PACS1: variants seen among roughly 807,000 people sequenced by gnomAD.
The protein encoded by PACS1 is phosphofurin acidic cluster sorting protein 1.
A neutral mutation model predicts 115.0 loss-of-function variants in PACS1; 24 were observed. That is an observed-to-expected ratio of 0.21 (90% CI 0.15 to 0.29). PACS1 has a LOEUF of 0.29. Ranked by LOEUF, PACS1 falls within the 10% of genes least tolerant of loss-of-function variation. The pLI is 1.00. For synonymous variants in PACS1, 453 were observed against 504.5 expected, an observed-to-expected ratio of 0.90 and a Z score of 1.37; for missense variants, 838 against 1,251.2, an observed-to-expected ratio of 0.67 and a Z score of 4.98.
chr11:66,220,678 G>A lies in PACS1; in HGVS notation c.1086G>A (p.Val362=), dbSNP rs1317258176. ...EHVSREQIRE[V]EEDLDELYDS... ...TGTCCCGCGAGCAGATCCGGGAAGT[G>A]GAAGAGGACTTGGATGAATTGTATG... is the stretch of plus-strand genomic sequence containing the variant. Residue 362 remains valine (V), a synonymous_variant, in exon 9 of 24, where the codon GTG becomes GTA. Coordinates refer to ENST00000320580, the MANE Select transcript of PACS1 (RefSeq NM_018026.4). The A allele has an allele frequency of 3.4e-5, 55 of 1,614,060 alleles. No individual in the cohort carries two copies. Among genetic ancestry groups the A allele is most frequent in the Non-Finnish European group, 4.2e-5 (50 of 1,180,026 alleles).
chr11:66,160,261 G>T (rs768336229), intron 1 of PACS1, among the ~76,000 whole-genome samples: 11 of 152,042 alleles, frequency 7.2e-5, no homozygotes, highest in Admixed American at 7.2e-4. Flanking sequence ...TACTAGCTGC[G>T]TGACCTCAGG....
intron 10 of PACS1, among the ~76,000 whole-genome samples, chr11:66,225,578 A>ATGT (rs1855455539): frequency 6.6e-6 from 1 of 152,188 alleles, no homozygotes; most frequent in African/African-American, 2.4e-5. Flanking sequence ...ACATCAAAAC[A>ATGT]TGTTGTATAC....
chr11:66,122,876 A>C (rs963568307), intron 1 of PACS1, among the ~76,000 whole-genome samples: 3 of 152,246 alleles, frequency 2.0e-5, no homozygotes, highest in African/African-American at 7.2e-5. Context: ...TATTACAATA[A>C]TTTATAACAA....
intron 1 of PACS1, among the ~76,000 whole-genome samples, chr11:66,154,425 T>C (rs1859309482): frequency 6.6e-6 from 1 of 152,076 alleles, no homozygotes; most frequent in Non-Finnish European, 1.5e-5. Flanking sequence ...GGCAACAGAG[T>C]GAGACCCTGT....
At chr11:66,071,418 A>G (rs1857309151) in intron 1 of PACS1, among the ~76,000 whole-genome samples, 1 of 151,104 alleles carries the variant, frequency 6.6e-6, no homozygotes, top group African/African-American at 2.4e-5. Context: ...GTGTATTTTT[A>G]CCTCCCCTCC....
chr11:66,210,944 G>A (rs1855056698), intron 3 of PACS1, among the ~76,000 whole-genome samples, 190 bp from the exon 4 acceptor site: 2 of 152,196 alleles, frequency 1.3e-5, no homozygotes, highest in Admixed American at 6.5e-5. Flanking sequence ...CCCCAGAGCT[G>A]TGGCGTAGAA....
Position 66,235,380 on chromosome 11 carries a change from C to T in PACS1, c.2184C>T (p.Ala728=), listed in dbSNP as rs766451903. 3 of 1,613,790 alleles carry T rather than the reference C, an allele frequency of 1.9e-6. No individual in the cohort carries two copies. Among genetic ancestry groups the T allele is most frequent in the Non-Finnish European group, 2.5e-6 (3 of 1,179,716 alleles). ...CACACCAGCTTCCCGTGGCCGAAGC[C>T]ATGCTGACTTGCCGGCATAAGTTGT... ...ATTHQLPVAE[A]MLTCRHKFPD... is the part of the protein sequence containing the mutation. The change falls in exon 18 of 24, where the codon GCC becomes GCT. Residue 728 remains alanine (A), a synonymous_variant. Transcript: ENST00000320580. This position sits in a 1 kb window ranked among gnomAD's most constrained non-coding sequence, Gnocchi z 5.6.
chr11:66,092,471 T>C (rs1280666162), intron 1 of PACS1, among the ~76,000 whole-genome samples: 1 of 152,200 alleles, frequency 6.6e-6, no homozygotes, highest in Non-Finnish European at 1.5e-5. Flanking sequence ...ATTTTGTAGG[T>C]TGCCTGTTCA....
chr11:66,088,228 TG>T (rs1200871008), intron 1 of PACS1, among the ~76,000 whole-genome samples: 1 of 152,110 alleles, frequency 6.6e-6, no homozygotes, highest in African/African-American at 2.4e-5. Flanking sequence ...ACTCTTTCAG[TG>T]GTGTCTTTCA....
intron 1 of PACS1, among the ~76,000 whole-genome samples, chr11:66,154,592 A>T (rs947957103): frequency 1.3e-5 from 2 of 152,240 alleles, no homozygotes; most frequent in Non-Finnish European, 2.9e-5. Context: ...TGGAAAAAAA[A>T]TTTTAAGTAT....
intron 2 of PACS1, among the ~76,000 whole-genome samples, chr11:66,203,884 C>T (rs544845387): frequency 8.6e-4 from 131 of 152,172 alleles, no homozygotes; most frequent in Middle Eastern, 6.8e-3. Flanking sequence ...ACTCTAATAC[C>T]TGAAACTATG....
intron 10 of PACS1, among the ~76,000 whole-genome samples, chr11:66,224,296 G>A (rs1265368945): frequency 6.6e-6 from 1 of 151,736 alleles, no homozygotes; most frequent in East Asian, 1.9e-4. Context: ...ACAGGGTAGA[G>A]CTTCTGAGTT....
chr11:66,184,989 T>C (rs1860091462), intron 1 of PACS1, among the ~76,000 whole-genome samples: 1 of 152,110 alleles, frequency 6.6e-6, no homozygotes, highest in African/African-American at 2.4e-5. Context: ...GAGAAATGGC[T>C]TGAGGTGCAG....
chr11:66,169,496 T>G (rs557975685), intron 1 of PACS1, among the ~76,000 whole-genome samples: 9 of 149,572 alleles, frequency 6.0e-5, no homozygotes, highest in Admixed American at 2.0e-4. Flanking sequence ...GCCTCCCAGG[T>G]TCAAGCGATT....
chr11:66,193,355 G>A lies in PACS1; in HGVS notation c.357-131G>A, dbSNP rs969845383. 5 of 603,266 alleles carry A rather than the reference G, an allele frequency of 8.3e-6. No homozygotes were observed. In the African/African-American group the frequency reaches 9.2e-5, roughly 11 times the overall value. 37.4% of individuals were successfully genotyped at this position (603,266 alleles called of 1,614,324 possible). A position where few individuals can be genotyped will look rare whatever the true frequency, so the allele number is the denominator to read the frequency against. ...AGGGGATGCTCTTCTACTGAGAGAG[G>A]GGACCCCTGGGACTGAGGACAGCGT... On this transcript the variant is annotated intron_variant, in intron 1 of 23. Coordinates refer to ENST00000320580, the MANE Select transcript of PACS1 (RefSeq NM_018026.4).
At chr11:66,086,212 A>G (rs1440265480) in intron 1 of PACS1, among the ~76,000 whole-genome samples, 1 of 141,974 alleles carries the variant, frequency 7.0e-6, no homozygotes, top group Admixed American at 7.9e-5. Context: ...ATCTCGGCTC[A>G]CTGCAGGCTC....
intron 1 of PACS1, among the ~76,000 whole-genome samples, chr11:66,173,850 C>T (rs930672523): frequency 2.0e-5 from 3 of 152,098 alleles, no homozygotes; most frequent in Admixed American, 1.3e-4. Flanking sequence ...GTCAGGAGTT[C>T]GAGACCAACT....
chr11:66,241,324 C>T, intron 21 of PACS1, 103 bp from the exon 22 acceptor site: 2 of 815,478 alleles, frequency 2.5e-6, no homozygotes, highest in East Asian at 5.4e-5. Flanking sequence ...CAGCCTTCCT[C>T]AGCCTGCCCT....
At chr11:66,094,586 G>T (rs1331509557) in intron 1 of PACS1, among the ~76,000 whole-genome samples, 1 of 152,220 alleles carries the variant, frequency 6.6e-6, no homozygotes, top group Non-Finnish European at 1.5e-5. Flanking sequence ...TCCAGTACCA[G>T]ATGGATTCAC....
Sources: allele counts gnomAD v4.1 joint callset (sites outside exome capture counted in the v4.1 genomes callset), GRCh38; gene constraint gnomAD v4.1.1; non-coding constraint Gnocchi (gnomAD v3.1); transcripts MANE v1.5; gene names NCBI Gene and HGNC (gene_info 2026-07-23, HGNC 2026-07-21).